The following PSMF1 variants were observed in gnomAD, a reference collection of about 807,000 sequenced individuals.
PSMF1 encodes the protein proteasome inhibitor subunit 1.
In PSMF1, 30 loss-of-function variants were observed where a neutral mutation model predicts 29.3. The observed-to-expected ratio is 1.02, with a 90% confidence interval of 0.77 to 1.39. The LOEUF (loss-of-function observed/expected upper bound fraction) is 1.39, where lower values mean the gene tolerates loss of function less well. Ranked by LOEUF, PSMF1 falls within the 40% of genes most tolerant of loss-of-function variation. The pLI is 0.00. For synonymous variants in PSMF1, 134 were observed against 139.7 expected, an observed-to-expected ratio of 0.96 and a Z score of 0.29; for missense variants, 344 against 357.5, an observed-to-expected ratio of 0.96 and a Z score of 0.31.
chr20:1,113,885 G>T (rs2085991099), upstream of PSMF1, among the ~76,000 whole-genome samples: 1 of 151,996 alleles, frequency 6.6e-6, no homozygotes, highest in Non-Finnish European at 1.5e-5. Flanking sequence ...TAGAGACGGG[G>T]TTTCACTGTG....
chr20:1,150,557 T>C (rs931453626), intron 4 of PSMF1, among the ~76,000 whole-genome samples: 14 of 152,176 alleles, frequency 9.2e-5, no homozygotes, highest in Non-Finnish European at 2.1e-4. Flanking sequence ...CCATTTGGAT[T>C]TCATCTTTTG....
At chr20:1,148,003 A>T (rs2086477055) in intron 4 of PSMF1, among the ~76,000 whole-genome samples, 1 of 152,150 alleles carries the variant, frequency 6.6e-6, no homozygotes, top group Admixed American at 6.6e-5. Context: ...TTCCCATAGG[A>T]CACAGTCCAG....
rs935765920 is a variant in PSMF1, at chr20:1,167,287, T to C, written c.*2207T>C. 6.0e-5 allele frequency: 9 copies of C among 150,738 alleles called. No homozygotes were observed. Among genetic ancestry groups the C allele is most frequent in the African/African-American group, 2.2e-4 (9 of 40,040 alleles). The allele number at this position is 150,738 out of a possible 1,614,324, so 9.3% of individuals were successfully genotyped here. A position where few individuals can be genotyped will look rare whatever the true frequency, so the allele number is the denominator to read the frequency against. ...TGTATATTTTGTAGAACCCAAAAGA[T>C]TGGAGCCTTAACAATAAACATCAGC... On this transcript the variant is annotated 3_prime_UTR_variant, in exon 7 of 7. Coordinates refer to ENST00000335877, the MANE Select transcript of PSMF1 (RefSeq NM_006814.5).
At chr20:1,138,600 C>T (rs1372360491) in intron 4 of PSMF1, among the ~76,000 whole-genome samples, 1 of 151,330 alleles carries the variant, frequency 6.6e-6, no homozygotes, top group Non-Finnish European at 1.5e-5. Flanking sequence ...CAAAGTCTGA[C>T]ACCCTTTCAT....
chr20:1,120,792 C>T (rs981904375), intron 1 of PSMF1, among the ~76,000 whole-genome samples: 1 of 152,100 alleles, frequency 6.6e-6, no homozygotes, highest in African/African-American at 2.4e-5. Flanking sequence ...GCACTCTGTC[C>T]CTCCTCATGT....
chr20:1,163,712 C>T lies in PSMF1; in HGVS notation c.605+529C>T, dbSNP rs2086695176. Among the ~76,000 whole-genome samples, 1 of 152,204 alleles carries T rather than the reference C, an allele frequency of 6.6e-6. No homozygotes were observed. The highest frequency in any genetic ancestry group is 1.5e-5 in the Non-Finnish European group (1 of 68,032). On this transcript the variant is annotated intron_variant, in intron 5 of 6. Transcript: ENST00000335877. The surrounding 1 kb of genome is among the most constrained non-coding windows in gnomAD (Gnocchi z 6.1). ...GGGGATATCACTTAAGTCTGCAGTG[C>T]AGCTTAAGCAGTGACCTCAAAATTT...
In PSMF1 at chr20:1,138,558, C is replaced by T. The variant is rs181760388; in HGVS notation, c.551+3252C>T. On this transcript the variant is annotated intron_variant, in intron 4 of 6. Coordinates refer to ENST00000335877, the MANE Select transcript of PSMF1 (RefSeq NM_006814.5). ...AAAATACAACAAAGGATAAAAACTA[C>T]ATGTTCATCTCGATAGAAAAATAGC... Among the ~76,000 whole-genome samples the T allele has an allele frequency of 2.9e-3, 435 of 148,318 alleles. 2 individuals are homozygous for T. Among genetic ancestry groups the T allele is most frequent in the Middle Eastern group, 7.1e-3 (2 of 280 alleles).
upstream of PSMF1, chr20:1,118,456 A>C: frequency 3.9e-6 from 1 of 258,954 alleles, no homozygotes; most frequent in Non-Finnish European, 7.4e-6. Context: ...GCGTCAGGCG[A>C]TCCTGTCGAC....
chr20:1,166,570 G>T lies in PSMF1; in HGVS notation c.*1490G>T. On this transcript the variant is annotated 3_prime_UTR_variant, in exon 7 of 7. Coordinates refer to ENST00000335877, the MANE Select transcript of PSMF1 (RefSeq NM_006814.5). ...CAGGGTCAGTCTCAGATGGAAGCTG[G>T]GCCTGGGTGGGGAGGCTAGCATGCG... 1 of 347,764 alleles carries T rather than the reference G, an allele frequency of 2.9e-6. No individual in the cohort carries two copies. Among genetic ancestry groups the T allele is most frequent in the Non-Finnish European group, 5.4e-6 (1 of 184,612 alleles). 21.5% of individuals were successfully genotyped at this position (347,764 alleles called of 1,614,324 possible). A position where few individuals can be genotyped will look rare whatever the true frequency, so the allele number is the denominator to read the frequency against.
upstream of PSMF1, among the ~76,000 whole-genome samples, chr20:1,113,980 C>T (rs549448887): frequency 2.0e-5 from 3 of 152,180 alleles, no homozygotes; most frequent in Non-Finnish European, 4.4e-5. Context: ...CGTGAGCCAC[C>T]GCGCCCGGCC....
intron 3 of PSMF1, among the ~76,000 whole-genome samples, chr20:1,129,136 C>T (rs2086197917): frequency 6.6e-6 from 1 of 152,076 alleles, no homozygotes. Context: ...GCCTTGGCCT[C>T]CCAAAGTGCT....
chr20:1,148,582 A>G (rs528124927), intron 4 of PSMF1, among the ~76,000 whole-genome samples: 3 of 152,282 alleles, frequency 2.0e-5, no homozygotes, highest in South Asian at 2.1e-4. Context: ...AATAGTTTGC[A>G]TTTTGCATTT....
chr20:1,157,934 T>A (rs1021027698), intron 4 of PSMF1, among the ~76,000 whole-genome samples: 2 of 152,184 alleles, frequency 1.3e-5, no homozygotes, highest in African/African-American at 4.8e-5. Flanking sequence ...TGCATACTCT[T>A]CCTTACCTCC....
intron 3 of PSMF1, 37 bp downstream of exon 3, chr20:1,127,545 A>G (rs761982420): frequency 1.3e-6 from 2 of 1,497,704 alleles, no homozygotes; most frequent in Non-Finnish European, 1.9e-6. Context: ...GGGAAAAAGA[A>G]GAGAGAACTA....
chr20:1,150,373 T>A (rs900127579), intron 4 of PSMF1, among the ~76,000 whole-genome samples: 3 of 152,174 alleles, frequency 2.0e-5, no homozygotes, highest in African/African-American at 7.2e-5. Context: ...GTGCTGCTGC[T>A]TTGAGTCATA....
chr20:1,133,555 G>GTATATATATA (rs1311800612), intron 3 of PSMF1, among the ~76,000 whole-genome samples: 23 of 53,934 alleles, frequency 4.3e-4, no homozygotes, highest in Middle Eastern at 0.018. Context: ...CTATATATGT[G>GTATATATATA]TATATATATA....
At chr20:1,134,822 G>A (rs1435614840) in intron 3 of PSMF1, 2 of 457,582 alleles carry the variant, frequency 4.4e-6, no homozygotes, top group African/African-American at 4.0e-5. Flanking sequence ...GGTGAGGACA[G>A]AGGAGTAGCC....
intron 4 of PSMF1, among the ~76,000 whole-genome samples, chr20:1,138,459 G>A (rs1162827812): frequency 4.0e-5 from 6 of 149,226 alleles, no homozygotes; most frequent in African/African-American, 1.5e-4. Context: ...GGAGGTGGAG[G>A]TTGTAGGGAG....
At chr20:1,113,564 G>C (rs914832896) in intron 1 of PSMF1, among the ~76,000 whole-genome samples, 1 of 151,630 alleles carries the variant, frequency 6.6e-6, no homozygotes, top group Admixed American at 6.6e-5. Flanking sequence ...GTGGAACATA[G>C]TCCTGGCCTT....
Sources: allele counts gnomAD v4.1 joint callset (sites outside exome capture counted in the v4.1 genomes callset), GRCh38; gene constraint gnomAD v4.1.1; non-coding constraint Gnocchi (gnomAD v3.1); transcripts MANE v1.5; gene names NCBI Gene and HGNC (gene_info 2026-07-23, HGNC 2026-07-21).